Variants in PDGFC observed in about 807,000 individuals in gnomAD.
PDGFC encodes the protein platelet derived growth factor C, also known as platelet-derived growth factor C.
Under a neutral mutation model 35.5 loss-of-function variants are expected in PDGFC, and 12 were observed. The observed-to-expected ratio is 0.34, with a 90% confidence interval of 0.22 to 0.55. The LOEUF (loss-of-function observed/expected upper bound fraction) is 0.55. Ranked by LOEUF, PDGFC falls within the 20% of genes least tolerant of loss-of-function variation. PDGFC has a pLI of 0.91. For missense variants in PDGFC, 322 were observed against 412.4 expected, an observed-to-expected ratio of 0.78 and a Z score of 1.90; for synonymous variants, 159 against 148.8, an observed-to-expected ratio of 1.07 and a Z score of -0.50.
At chr4:156,872,998 T>C (rs943579746) in intron 1 of PDGFC, among the ~76,000 whole-genome samples, 2 of 152,034 alleles carry the variant, frequency 1.3e-5, no homozygotes, top group African/African-American at 2.4e-5. Context: ...GGTGTAGTGT[T>C]GTACACCTGT....
At chr4:156,927,920 G>A (rs1057258766) in intron 1 of PDGFC, among the ~76,000 whole-genome samples, 3 of 152,216 alleles carry the variant, frequency 2.0e-5, no homozygotes, top group South Asian at 2.1e-4. Flanking sequence ...AGACTGGGAA[G>A]AAAAAGAGGT....
At chr4:156,915,514 G>C (rs1731137513) in intron 1 of PDGFC, among the ~76,000 whole-genome samples, 1 of 152,128 alleles carries the variant, frequency 6.6e-6, no homozygotes, top group African/African-American at 2.4e-5. Context: ...TTGAAAACAA[G>C]GTGCGGGGGG....
In PDGFC at chr4:156,957,447, G is replaced by GT. The variant is rs1399852785; in HGVS notation, c.118+13338dup. ...GTCTTCATTTTTTTCAGTCTCTGCT[G>GT]TATTTTATCATCTGGGCCAATTTCT... On this transcript the variant is annotated intron_variant, in intron 1 of 5. Coordinates refer to ENST00000502773, the MANE Select transcript of PDGFC (RefSeq NM_016205.3). 3.9e-5 allele frequency among the ~76,000 whole-genome samples: 6 copies of GT among 151,918 alleles called. No homozygotes were observed. In the East Asian group the frequency reaches 1.2e-3, roughly 30 times the overall value.
chr4:156,824,285 C>CATATATATAT (rs58698115), intron 2 of PDGFC, among the ~76,000 whole-genome samples: 112 of 92,710 alleles, frequency 1.2e-3, no homozygotes, highest in South Asian at 2.6e-3. Flanking sequence ...ACAATGTAAG[C>CATATATATAT]ATATATATAT....
intron 3 of PDGFC, among the ~76,000 whole-genome samples, chr4:156,805,619 A>C (rs2110928458): frequency 6.6e-6 from 1 of 152,178 alleles, no homozygotes; most frequent in South Asian, 2.1e-4. Context: ...AAAGTGAATT[A>C]ATATATTTGA....
chr4:156,936,526 T>C (rs1731687537), intron 1 of PDGFC, among the ~76,000 whole-genome samples: 1 of 152,248 alleles, frequency 6.6e-6, no homozygotes, highest in South Asian at 2.1e-4. Flanking sequence ...CTCAGCTTTC[T>C]GTTCTTCTCC....
At chr4:156,814,608 G>T (rs1341983272) in intron 2 of PDGFC, among the ~76,000 whole-genome samples, 2 of 151,962 alleles carry the variant, frequency 1.3e-5, no homozygotes, top group African/African-American at 4.8e-5. Flanking sequence ...AATAAAAAAA[G>T]CATCCTAAAG....
rs1404265070 is a variant in PDGFC, at chr4:156,761,522, TATGCTTTTGCTAA to T, written c.*1555_*1567del. The T allele has an allele frequency of 6.6e-6, 1 of 152,296 alleles. No homozygotes were observed. Among genetic ancestry groups the T allele is most frequent in the Non-Finnish European group, 1.5e-5 (1 of 68,036 alleles). 9.4% of individuals were successfully genotyped at this position (152,296 alleles called of 1,614,324 possible). Reference sequence around the variant, plus strand: ...CCTTTTTTTGTCTTTTGAATTGACATATGCTTTTGCTAAATGAAAATCATAACAGAAAATTTTA... The same window carrying T: ...CCTTTTTTTGTCTTTTGAATTGACATATGAAAATCATAACAGAAAATTTTA... On this transcript the variant is annotated 3_prime_UTR_variant, in exon 6 of 6. Transcript: ENST00000502773.
intron 2 of PDGFC, among the ~76,000 whole-genome samples, chr4:156,842,942 A>T (rs1338119464): frequency 6.6e-6 from 1 of 152,100 alleles, no homozygotes; most frequent in Admixed American, 6.6e-5. Context: ...TTCAATACTT[A>T]GATTACTTCT....
intron 1 of PDGFC, among the ~76,000 whole-genome samples, chr4:156,891,084 TG>T (rs962632309): frequency 6.6e-6 from 1 of 151,944 alleles, no homozygotes; most frequent in African/African-American, 2.4e-5. Context: ...TATTGCTTTT[TG>T]GCTACAAACC....
chr4:156,793,780 C>G (rs1382215912), intron 3 of PDGFC, among the ~76,000 whole-genome samples: 1 of 151,326 alleles, frequency 6.6e-6, no homozygotes, highest in Admixed American at 6.6e-5. Context: ...CATAGTAATC[C>G]TCATGATAAT....
At chr4:156,834,272 CT>C (rs1729011275) in intron 2 of PDGFC, among the ~76,000 whole-genome samples, 1 of 152,054 alleles carries the variant, frequency 6.6e-6, no homozygotes, top group African/African-American at 2.4e-5. Flanking sequence ...ATTATAATCA[CT>C]TTTTTGGATG....
chr4:156,927,328 G>T (rs1450030326), intron 1 of PDGFC, among the ~76,000 whole-genome samples: 2 of 152,166 alleles, frequency 1.3e-5, no homozygotes, highest in Admixed American at 6.5e-5. Flanking sequence ...CGGGCTGCTT[G>T]TTACTTATGC....
chr4:156,884,098 C>A lies in PDGFC; in HGVS notation c.119-33682G>T, dbSNP rs183520255. 6.5e-4 allele frequency among the ~76,000 whole-genome samples: 99 copies of A among 152,236 alleles called. 1 individual carries two copies. The highest frequency in any genetic ancestry group is 1.1e-3 in the Non-Finnish European group (72 of 68,010). Reference sequence around the variant, plus strand: ...GAACGCATGTCCTACTTAAAGGATGCCTCCAAGAAGGAAAGCTAAACAAGA... The same window carrying A: ...GAACGCATGTCCTACTTAAAGGATGACTCCAAGAAGGAAAGCTAAACAAGA... On this transcript the variant is annotated intron_variant, in intron 1 of 5. Transcript: ENST00000502773.
intron 5 of PDGFC, among the ~76,000 whole-genome samples, chr4:156,765,592 A>C (rs1440795080): frequency 6.6e-6 from 1 of 152,154 alleles, no homozygotes; most frequent in African/African-American, 2.4e-5. Context: ...TGTGCAAAAC[A>C]AACAGACATA....
intron 5 of PDGFC, 107 bp from the exon 6 acceptor site, chr4:156,763,313 C>A: frequency 2.3e-5 from 11 of 486,614 alleles, no homozygotes; most frequent in East Asian, 6.9e-5. Context: ...CCAAGAAAGA[C>A]ACATATTTTA....
intron 1 of PDGFC, among the ~76,000 whole-genome samples, chr4:156,860,928 C>T (rs1729696328): frequency 6.6e-6 from 1 of 151,912 alleles, no homozygotes; most frequent in South Asian, 2.1e-4. Context: ...TATTACTGGT[C>T]AATTAACAGG....
At chr4:156,839,913 T>C (rs1729157423) in intron 2 of PDGFC, among the ~76,000 whole-genome samples, 1 of 152,144 alleles carries the variant, frequency 6.6e-6, no homozygotes, top group Non-Finnish European at 1.5e-5. Flanking sequence ...TTTTTGCTCC[T>C]GCCCTAGAGA....
At chr4:156,910,621 T>TA (rs1270504058) in intron 1 of PDGFC, among the ~76,000 whole-genome samples, 1 of 152,138 alleles carries the variant, frequency 6.6e-6, no homozygotes, top group East Asian at 1.9e-4. Context: ...ATTGCCAACT[T>TA]ACTTCTTGAG....
Sources: gnomAD v4.1 joint callset for allele counts (sites outside exome capture counted in the v4.1 genomes callset) on GRCh38, gnomAD v4.1.1 for gene constraint, MANE v1.5 for transcripts, NCBI Gene and HGNC (gene_info 2026-07-23, HGNC 2026-07-21) for gene names.